Variants in SLC35F4 observed in about 807,000 individuals in gnomAD.
SLC35F4 encodes the protein solute carrier family 35 member F4.
A neutral mutation model predicts 44.2 loss-of-function variants in SLC35F4; 24 were observed. That is an observed-to-expected ratio of 0.54 (90% CI 0.39 to 0.76). The LOEUF (loss-of-function observed/expected upper bound fraction) is 0.76. Ranked by LOEUF, SLC35F4 falls within the 30% of genes least tolerant of loss-of-function variation. SLC35F4 has a pLI of 0.00. For synonymous variants in SLC35F4, 238 were observed against 223.6 expected (o/e 1.06, Z -0.57); for missense variants, 562 against 586.1 (o/e 0.96, Z 0.42).
chr14:57,923,088 T>G (rs1451956912), intron 1 of SLC35F4, among the ~76,000 whole-genome samples: 1 of 152,144 alleles, frequency 6.6e-6, no homozygotes, highest in East Asian at 1.9e-4. Context: ...CTTAGAAAGG[T>G]TGAATTAACT....
At chr14:57,865,608 G>T (rs1030397815) in intron 1 of SLC35F4, 115 bp downstream of exon 1, 7 of 781,958 alleles carry the variant, frequency 9.0e-6, no homozygotes, top group Non-Finnish European at 1.3e-5. Context: ...TGTTGACAGC[G>T]TCCGCAGGGC....
chr14:57,832,250 G>A (rs1884454977), intron 1 of SLC35F4, among the ~76,000 whole-genome samples: 1 of 145,866 alleles, frequency 6.9e-6, no homozygotes, highest in African/African-American at 2.5e-5. Flanking sequence ...CGCAGACTCA[G>A]TACAGGAACT....
chr14:57,979,861 T>G (rs1881326818), intron 1 of SLC35F4, among the ~76,000 whole-genome samples: 2 of 152,172 alleles, frequency 1.3e-5, no homozygotes, highest in Non-Finnish European at 2.9e-5. Flanking sequence ...TTTCCCCAAC[T>G]CCACATTTAG....
At chr14:57,789,119 A>G (rs1263781791) in intron 1 of SLC35F4, among the ~76,000 whole-genome samples, 1 of 152,190 alleles carries the variant, frequency 6.6e-6, no homozygotes, top group African/African-American at 2.4e-5. Context: ...AAAGAAATTC[A>G]AAAGCTAGCA....
At chr14:57,916,136 T>C (rs893763527) in intron 1 of SLC35F4, among the ~76,000 whole-genome samples, 3 of 152,134 alleles carry the variant, frequency 2.0e-5, no homozygotes, top group Non-Finnish European at 2.9e-5. Flanking sequence ...GGTCGTCCCA[T>C]GGTGAAACAA....
At chr14:57,734,879 G>A (rs1158429413) in intron 1 of SLC35F4, among the ~76,000 whole-genome samples, 1 of 152,150 alleles carries the variant, frequency 6.6e-6, no homozygotes, top group Non-Finnish European at 1.5e-5. Flanking sequence ...TATAAAATAA[G>A]TCCCCATGTA....
At chr14:57,596,558 T>C (rs758642855) in intron 1 of SLC35F4, 3 of 377,880 alleles carry the variant, frequency 7.9e-6, no homozygotes, top group Non-Finnish European at 1.6e-5. Context: ...CTCAGGGTAA[T>C]ATTGGGTTTC....
chr14:57,906,567 G>C (rs193007228), intron 1 of SLC35F4, among the ~76,000 whole-genome samples: 56 of 152,268 alleles, frequency 3.7e-4, no homozygotes, highest in Non-Finnish European at 6.5e-4. Context: ...ATTTGTGGGA[G>C]AATTTCTACG....
chr14:57,617,295 T>G (rs911567556), intron 1 of SLC35F4, among the ~76,000 whole-genome samples: 3 of 151,788 alleles, frequency 2.0e-5, no homozygotes, highest in Admixed American at 6.6e-5. Flanking sequence ...CACATTCGGC[T>G]AACTTTTTAT....
At chr14:57,728,570 T>C (rs540965752) in intron 1 of SLC35F4, among the ~76,000 whole-genome samples, 48 of 144,434 alleles carry the variant, frequency 3.3e-4, no homozygotes, top group Non-Finnish European at 5.8e-4. Context: ...TGCCTCAGCC[T>C]CCCAAGTAGC....
At chr14:57,711,245 A>G (rs923215501) in intron 1 of SLC35F4, among the ~76,000 whole-genome samples, 1 of 152,204 alleles carries the variant, frequency 6.6e-6, no homozygotes. Flanking sequence ...TACCTTGTGA[A>G]GAAGGCACCT....
intron 3 of SLC35F4, among the ~76,000 whole-genome samples, chr14:57,587,784 A>G (rs8015146): frequency 0.016 from 2,348 of 151,178 alleles, 48 homozygotes; most frequent in African/African-American, 0.054. Context: ...AAACAGAAAA[A>G]TCTGCCAAGT....
intron 1 of SLC35F4, among the ~76,000 whole-genome samples, chr14:57,843,233 T>A (rs1044453752): frequency 1.3e-5 from 2 of 152,130 alleles, no homozygotes; most frequent in African/African-American, 4.8e-5. Flanking sequence ...TATACATCTA[T>A]CCTATTAGTT....
intron 1 of SLC35F4, among the ~76,000 whole-genome samples, chr14:57,885,016 T>C (rs888205626): frequency 2.6e-5 from 4 of 152,206 alleles, no homozygotes; most frequent in African/African-American, 9.6e-5. Context: ...GATGTGCATA[T>C]GGCTTTTTAT....
intron 1 of SLC35F4, among the ~76,000 whole-genome samples, chr14:57,759,963 T>C (rs1269885762): frequency 6.6e-6 from 1 of 151,988 alleles, no homozygotes; most frequent in African/African-American, 2.4e-5. Flanking sequence ...ATCAGATATA[T>C]GACTTGCAGT....
intron 1 of SLC35F4, among the ~76,000 whole-genome samples, chr14:57,814,305 G>C (rs558065525): frequency 6.6e-6 from 1 of 152,290 alleles, no homozygotes; most frequent in African/African-American, 2.4e-5. Flanking sequence ...TCTAACTTCA[G>C]AATTTTCTTT....
intron 1 of SLC35F4, among the ~76,000 whole-genome samples, chr14:57,700,040 T>C (rs1381289161): frequency 6.6e-6 from 1 of 152,172 alleles, no homozygotes; most frequent in Non-Finnish European, 1.5e-5. Context: ...AGGTACTATA[T>C]TTTTTCCTAT....
At chr14:57,604,494 T>A (rs749816787) in intron 1 of SLC35F4, among the ~76,000 whole-genome samples, 1 of 152,130 alleles carries the variant, frequency 6.6e-6, no homozygotes, top group Non-Finnish European at 1.5e-5. Flanking sequence ...TGCTCATGGA[T>A]TGGAAGAATC....
At chr14:57,927,526 T>C (rs1412345438) in intron 1 of SLC35F4, among the ~76,000 whole-genome samples, 1 of 151,516 alleles carries the variant, frequency 6.6e-6, no homozygotes, top group Non-Finnish European at 1.5e-5. Flanking sequence ...AGTCTCACTC[T>C]GTCACCCAGG....
Sources: gnomAD v4.1 joint callset for allele counts (sites outside exome capture counted in the v4.1 genomes callset) on GRCh38, gnomAD v4.1.1 for gene constraint, MANE v1.5 for transcripts, NCBI Gene and HGNC (gene_info 2026-07-23, HGNC 2026-07-21) for gene names.